Variants in GTF2IRD2 observed in about 807,000 individuals in gnomAD.
GTF2IRD2 encodes GTF2I repeat domain containing 2.
GTF2IRD2 carries 8 observed loss-of-function variants against 49.2 expected under a neutral mutation model. That is an observed-to-expected ratio of 0.16 (90% CI 0.10 to 0.29). The LOEUF is 0.29. Ranked by LOEUF, GTF2IRD2 falls within the 10% of genes least tolerant of loss-of-function variation. The pLI is 1.00. For missense variants in GTF2IRD2, 130 were observed against 725.7 expected (o/e 0.18, Z 9.43); for synonymous variants, 47 against 289.7 (o/e 0.16, Z 8.51).
chr7:74,822,056 T>C (rs1382225194), intron 6 of GTF2IRD2: 1 of 345,314 alleles, frequency 2.9e-6, no homozygotes, highest in Non-Finnish European at 5.6e-6. Flanking sequence ...GTTTTGTTTT[T>C]TTTTTTTTGA....
chr7:74,841,113 T>C (rs1800787297), intron 1 of GTF2IRD2, among the ~76,000 whole-genome samples: 1 of 140,910 alleles, frequency 7.1e-6, no homozygotes, highest in African/African-American at 2.8e-5. Context: ...CCTCCCAGAG[T>C]GCTGGGTCTA....
rs1431034650 is a variant in GTF2IRD2 at position 74,841,175 on chromosome 7, T to G, written c.-5-4792A>C. Among the ~76,000 whole-genome samples the G allele has an allele frequency of 2.5e-4, 33 of 132,178 alleles. 2 individuals are homozygous for G. Among genetic ancestry groups the G allele is most frequent in the South Asian group, 4.9e-4 (2 of 4,100 alleles). 86.7% of individuals were successfully genotyped at this position (132,178 alleles called of 152,430 possible). A position where few individuals can be genotyped will look rare whatever the true frequency, so the allele number is the denominator to read the frequency against. ...TATTTTATATATATATATGTATTGG[T>G]TTTTTTTTTTGACATGGAGTCTCAC... On this transcript the variant is annotated intron_variant, in intron 1 of 15. Transcript: ENST00000451013.
At chr7:74,798,428 C>A (rs1248708820) in intron 15 of GTF2IRD2, among the ~76,000 whole-genome samples, 163 bp from the exon 16 acceptor site, 1 of 151,630 alleles carries the variant, frequency 6.6e-6, no homozygotes, top group Non-Finnish European at 1.5e-5. Context: ...ACGGCTGACC[C>A]TCAACTCCAG....
chr7:74,827,889 G>T (rs801022), intron 3 of GTF2IRD2, among the ~76,000 whole-genome samples: 50 of 25,276 alleles, frequency 2.0e-3, no homozygotes, highest in Middle Eastern at 0.026. Context: ...GGCACGATCT[G>T]GGCTCACTGC....
intron 3 of GTF2IRD2, among the ~76,000 whole-genome samples, chr7:74,825,863 T>C (rs1428560632): frequency 6.7e-6 from 1 of 149,942 alleles, no homozygotes; most frequent in Non-Finnish European, 1.5e-5. Flanking sequence ...TGCAGTGGCA[T>C]GTTCTCCACT....
intron 1 of GTF2IRD2, among the ~76,000 whole-genome samples, chr7:74,836,876 T>C (rs1180174634): frequency 2.9e-5 from 4 of 139,588 alleles, no homozygotes; most frequent in Non-Finnish European, 4.6e-5. Context: ...CTGCTAACTC[T>C]CTTTCTTTCT....
intron 1 of GTF2IRD2, among the ~76,000 whole-genome samples, chr7:74,842,256 G>A (rs1800904714): frequency 7.4e-6 from 1 of 134,878 alleles, no homozygotes; most frequent in African/African-American, 3.0e-5. Context: ...TTGAGATGGG[G>A]TCTTGCTCTG....
intron 3 of GTF2IRD2, among the ~76,000 whole-genome samples, chr7:74,829,887 C>CAAAAAAACAAAAAAA (rs199938539): frequency 6.7e-5 from 4 of 59,826 alleles, no homozygotes; most frequent in Non-Finnish European, 9.9e-5. Context: ...GATTCTGTCT[C>CAAAAAAACAAAAAAA]AAAAAAAAAA....
chr7:74,815,892 T>C (rs1413110668), intron 8 of GTF2IRD2, among the ~76,000 whole-genome samples: 1 of 86,164 alleles, frequency 1.2e-5, no homozygotes, highest in Non-Finnish European at 2.3e-5. Flanking sequence ...ACCAGGGAGA[T>C]GGTTTGTTTT....
chr7:74,829,967 G>A (rs1554420212), intron 3 of GTF2IRD2, among the ~76,000 whole-genome samples: 2 of 150,342 alleles, frequency 1.3e-5, no homozygotes, highest in African/African-American at 4.9e-5. Flanking sequence ...AAATTTGGAG[G>A]TCTCATACTT....
At chr7:74,836,212 T>C (rs1554421036) in intron 2 of GTF2IRD2, 68 bp downstream of exon 2, 4 of 1,581,802 alleles carry the variant, frequency 2.5e-6, no homozygotes, top group Non-Finnish European at 3.4e-6. Context: ...TACTGAAGTG[T>C]TTCATGATTC....
chr7:74,825,949 T>A (rs1799348534), intron 3 of GTF2IRD2, among the ~76,000 whole-genome samples: 1 of 151,848 alleles, frequency 6.6e-6, no homozygotes, highest in African/African-American at 2.4e-5. Flanking sequence ...TACAGCTGCC[T>A]GCCACCACGC....
intron 3 of GTF2IRD2, 31 bp downstream of exon 3, chr7:74,832,774 G>C: frequency 1.2e-6 from 1 of 818,718 alleles, no homozygotes; most frequent in Non-Finnish European, 1.9e-6. Context: ...TTTGAGATTG[G>C]GAATACAAAG....
intron 1 of GTF2IRD2, among the ~76,000 whole-genome samples, chr7:74,840,986 T>C (rs1800774622): frequency 1.6e-5 from 1 of 61,718 alleles, no homozygotes; most frequent in Non-Finnish European, 2.8e-5. Context: ...TAGCCGGGAT[T>C]GTAGGCACCC....
intron 3 of GTF2IRD2, among the ~76,000 whole-genome samples, chr7:74,831,542 C>CACACACAT (rs1255047681): frequency 1.3e-5 from 2 of 148,326 alleles, no homozygotes; most frequent in African/African-American, 5.0e-5. Context: ...CACACACACA[C>CACACACAT]ACCCTTATAC....
chr7:74,799,101 C>T (rs1186527983), intron 15 of GTF2IRD2: 3 of 129,212 alleles, frequency 2.3e-5, no homozygotes, highest in Non-Finnish European at 4.9e-5. Flanking sequence ...CCGCCTTGGC[C>T]TCCCAAAGTG....
chr7:74,842,436 G>T (rs2131817169), intron 1 of GTF2IRD2, among the ~76,000 whole-genome samples: 1 of 142,174 alleles, frequency 7.0e-6, no homozygotes, highest in Admixed American at 7.0e-5. Flanking sequence ...TTGCCATGTT[G>T]TCCAGGCTGG....
intron 1 of GTF2IRD2, among the ~76,000 whole-genome samples, chr7:74,842,844 G>A (rs1271808861): frequency 1.4e-5 from 2 of 144,394 alleles, no homozygotes; most frequent in South Asian, 2.3e-4. Context: ...ATGAGCCTCC[G>A]TGTACAGCCT....
In GTF2IRD2 at chr7:74,822,467, G is replaced by A. The variant is rs782370248; in HGVS notation, c.543-12C>T. ...GTCCTAGGAAGGGTCTGCAAGAAAA[G>A]CAACACCATTACCCAGCACGGACCA... On this transcript the variant is annotated splice_polypyrimidine_tract_variant and intron_variant, in intron 5 of 15. Transcript: ENST00000451013. The A allele has an allele frequency of 1.2e-6, 1 of 824,884 alleles. No homozygotes were observed. The highest frequency in any genetic ancestry group is 2.0e-6 in the Non-Finnish European group (1 of 510,454). 51.1% of individuals were successfully genotyped at this position (824,884 alleles called of 1,614,324 possible). A position where few individuals can be genotyped will look rare whatever the true frequency, so the allele number is the denominator to read the frequency against.
Sources: allele counts gnomAD v4.1 joint callset (sites outside exome capture counted in the v4.1 genomes callset), GRCh38; gene constraint gnomAD v4.1.1; transcripts MANE v1.5; gene names NCBI Gene and HGNC (gene_info 2026-07-23, HGNC 2026-07-21).